The following TPO variants were observed in gnomAD, a reference collection of about 807,000 sequenced individuals.
The protein encoded by TPO is thyroid peroxidase, also known as thyroid microsomal antigen.
In TPO, 78 loss-of-function variants were observed where a neutral mutation model predicts 96.9. The ratio of observed to expected loss-of-function variants is 0.81; its 90% CI spans 0.67 to 0.97. The LOEUF (loss-of-function observed/expected upper bound fraction) is 0.97, where lower values mean the gene tolerates loss of function less well. Ranked by LOEUF, TPO falls within the 50% of genes least tolerant of loss-of-function variation. TPO has a pLI of 0.00. For synonymous variants in TPO, 547 were observed against 538.0 expected, an observed-to-expected ratio of 1.02 and a Z score of -0.23; for missense variants, 1,252 against 1,274.8, an observed-to-expected ratio of 0.98 and a Z score of 0.27.
At chr2:1,434,819 G>T (rs925642910) in intron 4 of TPO, among the ~76,000 whole-genome samples, 6 of 152,166 alleles carry the variant, frequency 3.9e-5, no homozygotes, top group Non-Finnish European at 5.9e-5. Flanking sequence ...ACCTAAAAAG[G>T]TTTCCCATTA....
At chr2:1,526,548 C>G (rs1676547807) in intron 15 of TPO, among the ~76,000 whole-genome samples, 1 of 141,240 alleles carries the variant, frequency 7.1e-6, no homozygotes, top group Non-Finnish European at 1.5e-5. Context: ...CTCAAATCCT[C>G]TCACTGTGTG....
chr2:1,402,808 A>G (rs1662192854), intron 1 of TPO, among the ~76,000 whole-genome samples: 1 of 152,144 alleles, frequency 6.6e-6, no homozygotes, highest in South Asian at 2.1e-4. Flanking sequence ...GGGAGCTACA[A>G]TTCAAGATGA....
chr2:1,540,530 T>C (rs1680615505), intron 15 of TPO, 64 bp from the exon 16 acceptor site: 2 of 1,605,284 alleles, frequency 1.2e-6, no homozygotes, highest in Non-Finnish European at 1.7e-6. Flanking sequence ...CGTGCCGTGC[T>C]CTCTACCCTC....
In TPO at chr2:1,537,783, TC is replaced by T. The variant is rs201989282; in HGVS notation, c.2619-2805del. On this transcript the variant is annotated intron_variant, in intron 15 of 16. Coordinates refer to ENST00000329066, the MANE Select transcript of TPO (RefSeq NM_001206744.2). ...CCTCACTGAGTACAACCTCCCCAAA[TC>T]CCCCCATTGTGAGCAATGTCCCCAA... Among the ~76,000 whole-genome samples, 600 of 61,528 alleles carry T rather than the reference TC, an allele frequency of 9.8e-3. 12 individuals are homozygous for T. Among genetic ancestry groups the T allele is most frequent in the African/African-American group, 0.04 (579 of 14,304 alleles). 40.4% of individuals were successfully genotyped at this position (61,528 alleles called of 152,430 possible). A position where few individuals can be genotyped will look rare whatever the true frequency, so the allele number is the denominator to read the frequency against.
intron 15 of TPO, among the ~76,000 whole-genome samples, chr2:1,540,231 G>A (rs1680575921): frequency 6.6e-6 from 1 of 152,138 alleles, no homozygotes; most frequent in Non-Finnish European, 1.5e-5. Context: ...GCCCGACCCA[G>A]GAAAAGCCTA....
chr2:1,407,653 C>T (rs185014265), intron 1 of TPO, among the ~76,000 whole-genome samples: 2 of 152,200 alleles, frequency 1.3e-5, no homozygotes, highest in Admixed American at 6.5e-5. Flanking sequence ...ATTCTTAACA[C>T]ACAATATAAA....
intron 12 of TPO, 31 bp downstream of exon 12, chr2:1,496,228 A>T: frequency 6.2e-7 from 1 of 1,605,354 alleles, no homozygotes; most frequent in African/African-American, 1.3e-5. Flanking sequence ...ACACCACGTT[A>T]CAGCACGTGC....
At chr2:1,420,397 C>T (rs1160937156) in intron 2 of TPO, among the ~76,000 whole-genome samples, 1 of 152,074 alleles carries the variant, frequency 6.6e-6, no homozygotes, top group Non-Finnish European at 1.5e-5. Flanking sequence ...TTTGCAGAGC[C>T]CTGAAGAGAC....
intron 15 of TPO, among the ~76,000 whole-genome samples, chr2:1,530,359 CGT>C: frequency 6.9e-6 from 1 of 144,880 alleles, no homozygotes; most frequent in Non-Finnish European, 1.5e-5. Flanking sequence ...GTGTGTGCAA[CGT>C]CCCCAAATAT....
At chr2:1,516,685 C>G (rs28913011) in intron 14 of TPO, among the ~76,000 whole-genome samples, 198 bp from the exon 15 acceptor site, 2,878 of 152,336 alleles carry the variant, frequency 0.019, 97 homozygotes, top group African/African-American at 0.065. Flanking sequence ...TGGCTCTCCC[C>G]ACACACGTCA....
chr2:1,527,456 C>T (rs1298495121), intron 15 of TPO, among the ~76,000 whole-genome samples: 3 of 148,288 alleles, frequency 2.0e-5, no homozygotes, highest in Admixed American at 6.7e-5. Context: ...TCAAATACCC[C>T]ACTGTGTGCA....
At chr2:1,382,490 T>C (rs957925014) in intron 1 of TPO, among the ~76,000 whole-genome samples, 4 of 152,160 alleles carry the variant, frequency 2.6e-5, no homozygotes, top group Non-Finnish European at 5.9e-5. Flanking sequence ...GTCTTCATGA[T>C]GAGAAATATC....
intron 15 of TPO, among the ~76,000 whole-genome samples, chr2:1,535,753 C>A (rs1246861422): frequency 5.5e-5 from 5 of 90,750 alleles, no homozygotes; most frequent in African/African-American, 2.0e-4. Flanking sequence ...AATCCCCCCA[C>A]TCTGTGCAAC....
chr2:1,418,284 C>CAA (rs1168526107), intron 2 of TPO, among the ~76,000 whole-genome samples: 27 of 93,002 alleles, frequency 2.9e-4, no homozygotes, highest in South Asian at 1.2e-3. Context: ...GAATCCATCT[C>CAA]AAAAAAAAAA....
intron 5 of TPO, among the ~76,000 whole-genome samples, chr2:1,445,302 G>GA (rs1666674770): frequency 1.8e-5 from 2 of 111,094 alleles, no homozygotes; most frequent in African/African-American, 6.9e-5. Context: ...GAAGGGAATG[G>GA]GCAGGCTCCT....
rs948804904 is a variant in TPO, at chr2:1,477,138, G to A, written c.872G>A (p.Arg291His). The change falls in exon 8 of 17, where the codon CGC (arginine) becomes CAC (histidine). Residue 291 changes from arginine to histidine, a missense_variant. Transcript: ENST00000329066. ...AAGTACLPFY[R>H]SSAACGTGDQ... ...GGCACCGCCTGTCTGCCCTTCTACCGCTCTTCGGCCGCCTGCGGCACCGGG... is the reference window on the plus strand; with the variant it reads ...GGCACCGCCTGTCTGCCCTTCTACCACTCTTCGGCCGCCTGCGGCACCGGG... 6.4e-5 allele frequency: 103 copies of A among 1,610,008 alleles called. No homozygotes were observed. The highest frequency in any genetic ancestry group is 8.7e-5 in the Non-Finnish European group (103 of 1,179,172).
At chr2:1,527,481 CCCCATCT>C in intron 15 of TPO, among the ~76,000 whole-genome samples, 1 of 149,106 alleles carries the variant, frequency 6.7e-6, no homozygotes, top group African/African-American at 2.5e-5. Context: ...CCTCAAATCC[CCCCATCT>C]GTGTGCGACC....
At chr2:1,512,354 ATCC>A (rs1373292734) in intron 14 of TPO, 6 of 980,324 alleles carry the variant, frequency 6.1e-6, no homozygotes, top group East Asian at 2.3e-4. Context: ...TTGCTAAGGA[ATCC>A]TCCTGCCTGG....
At chr2:1,426,698 A>C (rs1308951064) in intron 3 of TPO, among the ~76,000 whole-genome samples, 1 of 152,258 alleles carries the variant, frequency 6.6e-6, no homozygotes, top group African/African-American at 2.4e-5. Flanking sequence ...CACCTGAAGA[A>C]GGCACTTCAT....
Sources: gnomAD v4.1 joint callset for allele counts (sites outside exome capture counted in the v4.1 genomes callset) on GRCh38, gnomAD v4.1.1 for gene constraint, MANE v1.5 for transcripts, NCBI Gene and HGNC (gene_info 2026-07-23, HGNC 2026-07-21) for gene names.